MAP3K20: variants seen among roughly 807,000 people sequenced by gnomAD.
The protein encoded by MAP3K20 is HCCS-4.
A neutral mutation model predicts 85.7 loss-of-function variants in MAP3K20; 40 were observed. The observed-to-expected ratio is 0.47, with a 90% CI of 0.36 to 0.61. The LOEUF (loss-of-function observed/expected upper bound fraction) is 0.61. MAP3K20 is among the 20% of genes least tolerant of loss of function. The probability of loss-of-function intolerance (pLI) is 0.00; values close to 1 mark genes in which losing one functional copy is unlikely to be tolerated. For missense variants in MAP3K20, 817 were observed against 961.7 expected (o/e 0.85, Z 1.99); for synonymous variants, 325 against 327.7 (o/e 0.99, Z 0.09).
intron 18 of MAP3K20, among the ~76,000 whole-genome samples, chr2:173,262,646 G>A (rs1685324298): frequency 6.6e-6 from 1 of 152,068 alleles, no homozygotes; most frequent in African/African-American, 2.4e-5. Context: ...ACTCTGGCCA[G>A]TCCACTTATC....
Position 173,190,901 on chromosome 2 carries a change from T to C in MAP3K20, c.422T>C (p.Ile141Thr). The C allele has an allele frequency of 1.9e-6, 3 of 1,594,916 alleles. No homozygotes were observed. The highest frequency in any genetic ancestry group is 2.6e-6 in the Non-Finnish European group (3 of 1,166,152). ...TCCTTTTTTCTTTTTTTAGTTGTTA[T>C]AGCTGCTGATGGAGTATTGAAGGTA... ...HRDLKSRNVV[I>T]AADGVLKICD... The change falls in exon 6 of 20, where the codon ATA (isoleucine) becomes ACA (threonine). Residue 141 changes from isoleucine (I) to threonine (T), a missense_variant. By Grantham distance (89) the Ile-to-Thr change is moderately conservative (BLOSUM62 -1). Transcript: ENST00000375213.
chr2:173,254,072 GAA>G (rs10659041), intron 16 of MAP3K20, among the ~76,000 whole-genome samples: 74 of 134,470 alleles, frequency 5.5e-4, no homozygotes, highest in African/African-American at 1.9e-3. Flanking sequence ...ACCTGTGTCA[GAA>G]AAAAAAAAAA....
At chr2:173,243,710 C>T (rs1330008305) in intron 16 of MAP3K20, among the ~76,000 whole-genome samples, 2 of 152,180 alleles carry the variant, frequency 1.3e-5, no homozygotes, top group African/African-American at 2.4e-5. Context: ...CTCCGCCTCC[C>T]GGGTTCACGC....
chr2:173,122,600 G>C (rs1401932243), intron 2 of MAP3K20, among the ~76,000 whole-genome samples: 1 of 152,162 alleles, frequency 6.6e-6, no homozygotes, highest in African/African-American at 2.4e-5. Context: ...TCTAGGCCTA[G>C]AACTGGGTGT....
intron 9 of MAP3K20, among the ~76,000 whole-genome samples, chr2:173,208,397 TAAAA>T (rs11446256): frequency 1.4e-5 from 2 of 144,834 alleles, no homozygotes; most frequent in Non-Finnish European, 3.0e-5. Context: ...GACTCTGTCT[TAAAA>T]AAAAAAAAAA....
Position 173,266,719 on chromosome 2 carries a change from G to A in MAP3K20, c.2372G>A (p.Arg791Lys), listed in dbSNP as rs1237674102. The change falls in exon 20 of 20, where the codon AGA becomes AAA. Residue 791 changes from arginine to lysine, a missense_variant. This residue lies in a region of MAP3K20 where 454 missense variants were observed against 476.9 expected (regional missense o/e 0.95). Coordinates refer to ENST00000375213, the MANE Select transcript of MAP3K20 (RefSeq NM_016653.3). ...GCCAAAACCAATAAAGAGAGAGCCAGAGGGGACCACCGTGGATGGAGAAAC... is the reference window on the plus strand; with the variant it reads ...GCCAAAACCAATAAAGAGAGAGCCAAAGGGGACCACCGTGGATGGAGAAAC... ...SPAKTNKERARGDHRGWRNF is the reference protein window; with the variant it reads ...SPAKTNKERAKGDHRGWRNF 1.3e-6 allele frequency: 2 copies of A among 1,571,286 alleles called. No individual in the cohort carries two copies. The highest frequency in any genetic ancestry group is 1.7e-6 in the Non-Finnish European group (2 of 1,159,062).
At chr2:173,239,140 C>T (rs1391607420) in intron 15 of MAP3K20, among the ~76,000 whole-genome samples, 1 of 152,234 alleles carries the variant, frequency 6.6e-6, no homozygotes, top group East Asian at 1.9e-4. Flanking sequence ...TAAAATTGCA[C>T]AATGCAAGAT....
At chr2:173,263,647 C>T (rs919960484) in intron 18 of MAP3K20, 98 bp from the exon 19 acceptor site, 1 of 1,204,822 alleles carries the variant, frequency 8.3e-7, no homozygotes, top group Non-Finnish European at 1.2e-6. Flanking sequence ...ATATAATAAC[C>T]TGGATGACTT....
At chr2:173,140,303 C>G (rs894432813) in intron 2 of MAP3K20, among the ~76,000 whole-genome samples, 11 of 150,954 alleles carry the variant, frequency 7.3e-5, no homozygotes, top group African/African-American at 2.4e-4. Flanking sequence ...AGCCACCACG[C>G]CCAGCCACAA....
At chr2:173,251,348 G>A (rs1292583848) in intron 16 of MAP3K20, among the ~76,000 whole-genome samples, 1 of 152,084 alleles carries the variant, frequency 6.6e-6, no homozygotes, top group African/African-American at 2.4e-5. Flanking sequence ...AGTGGTGGTG[G>A]ATTTTGAAAA....
At chr2:173,209,922 GAC>G (rs1167080159) in intron 10 of MAP3K20, 87 bp downstream of exon 10, 5 of 1,195,538 alleles carry the variant, frequency 4.2e-6, no homozygotes, top group East Asian at 4.7e-5. Flanking sequence ...AGATCTGAAT[GAC>G]AGTCCTGATT....
intron 14 of MAP3K20, among the ~76,000 whole-genome samples, chr2:173,233,431 GGTT>G (rs1472051497): frequency 2.6e-5 from 4 of 152,236 alleles, no homozygotes; most frequent in African/African-American, 9.6e-5. Flanking sequence ...TCGTGGTCAT[GGTT>G]GTTTTTTGTT....
chr2:173,163,270 C>T (rs920637745), intron 2 of MAP3K20, among the ~76,000 whole-genome samples: 2 of 152,188 alleles, frequency 1.3e-5, no homozygotes, highest in Admixed American at 1.3e-4. Context: ...AATCCTCACC[C>T]TCCTCCCACC....
chr2:173,254,528 A>C (rs16861443), intron 16 of MAP3K20, among the ~76,000 whole-genome samples: 1,931 of 152,244 alleles, frequency 0.013, 46 homozygotes, highest in African/African-American at 0.044. Context: ...ATATGTAAGT[A>C]AAATCCTATA....
At chr2:173,101,148 A>G (rs1687627977) in intron 2 of MAP3K20, among the ~76,000 whole-genome samples, 1 of 152,232 alleles carries the variant, frequency 6.6e-6, no homozygotes, top group South Asian at 2.1e-4. Flanking sequence ...TTGGAAAATT[A>G]CCTGAATTAT....
intron 2 of MAP3K20, among the ~76,000 whole-genome samples, chr2:173,155,780 T>G (rs1262089196): frequency 6.6e-6 from 1 of 152,186 alleles, no homozygotes; most frequent in African/African-American, 2.4e-5. Context: ...AATGTTGTTG[T>G]GGTACCCTAG....
intron 12 of MAP3K20, among the ~76,000 whole-genome samples, chr2:173,230,772 G>A (rs1375349034): frequency 1.3e-5 from 2 of 152,120 alleles, no homozygotes; most frequent in Non-Finnish European, 2.9e-5. Context: ...GAGGCAGGAG[G>A]ATCACTTGAG....
At chr2:173,204,438 T>C (rs1683595982) in intron 9 of MAP3K20, among the ~76,000 whole-genome samples, 1 of 152,178 alleles carries the variant, frequency 6.6e-6, no homozygotes, top group Non-Finnish European at 1.5e-5. Flanking sequence ...CAGACAAAAG[T>C]AGCGCTTCTA....
chr2:173,150,781 G>A (rs1399732378), intron 2 of MAP3K20, among the ~76,000 whole-genome samples: 1 of 152,080 alleles, frequency 6.6e-6, no homozygotes, highest in African/African-American at 2.4e-5. Context: ...GGTCAGGCTG[G>A]TCTTGAACTC....
Sources: allele counts gnomAD v4.1 joint callset (sites outside exome capture counted in the v4.1 genomes callset), GRCh38; gene constraint gnomAD v4.1.1; regional missense constraint gnomAD v4.1.1; transcripts MANE v1.5; gene names NCBI Gene and HGNC (gene_info 2026-07-23, HGNC 2026-07-21).